RASIP1: variants seen among roughly 807,000 people sequenced by gnomAD.
RASIP1 encodes ras-interacting protein 1.
In RASIP1, 20 loss-of-function variants were observed where a neutral mutation model predicts 85.3. The observed-to-expected ratio is 0.23, with a 90% CI of 0.17 to 0.34. The LOEUF is 0.34. RASIP1 is among the 10% of genes least tolerant of loss of function. The pLI is 1.00. For missense variants in RASIP1, 1,170 were observed against 1,390.9 expected, an observed-to-expected ratio of 0.84 and a Z score of 2.53; for synonymous variants, 617 against 647.1, an observed-to-expected ratio of 0.95 and a Z score of 0.71.
chr19:48,723,957 G>A (rs1273766890), intron 10 of RASIP1, among the ~76,000 whole-genome samples: 2 of 152,196 alleles, frequency 1.3e-5, no homozygotes, highest in African/African-American at 4.8e-5. Context: ...ACAGGCGTGC[G>A]CCATCAAGCC....
At chr19:48,730,261 G>T (rs1329597284) in intron 4 of RASIP1, among the ~76,000 whole-genome samples, 1 of 152,000 alleles carries the variant, frequency 6.6e-6, no homozygotes, top group Non-Finnish European at 1.5e-5. Context: ...CGCCTCCCGG[G>T]TTCAAGCGAT....
In RASIP1 at chr19:48,723,822, T is replaced by TC. The variant is rs1491138800; in HGVS notation, c.2544+514dup. On this transcript the variant is annotated intron_variant, in intron 10 of 11. Coordinates refer to ENST00000222145, the MANE Select transcript of RASIP1 (RefSeq NM_017805.3). ...TGGAAACTTTTTTTTTTTTTTTTTT[T>TC]CTGGAGACAGGGTCTCGCTCTGTCG... 2.6e-3 allele frequency among the ~76,000 whole-genome samples: 384 copies of TC among 149,296 alleles called. 1 individual carries two copies. The highest frequency in any genetic ancestry group is 2.5e-3 in the Non-Finnish European group (166 of 67,546).
Position 48,738,697 on chromosome 19 carries a change from A to C in RASIP1, c.823+263T>G. 3 of 320,910 alleles carry C rather than the reference A, an allele frequency of 9.3e-6. No individual in the cohort carries two copies. Among genetic ancestry groups the C allele is most frequent in the Non-Finnish European group, 1.6e-5 (3 of 186,064 alleles). The allele number at this position is 320,910 out of a possible 1,614,324, so 19.9% of individuals were successfully genotyped here. ...CCAGCAACCAGCCCCCGTCCCGCCT[A>C]AGCCCCAAGCTTGGCCCCTGTAAAA... On this transcript the variant is annotated intron_variant, in intron 3 of 11. Coordinates refer to ENST00000222145, the MANE Select transcript of RASIP1 (RefSeq NM_017805.3). This position sits in a 1 kb window ranked among gnomAD's most constrained non-coding sequence, Gnocchi z 4.0.
rs1304709567 is a variant in RASIP1, at chr19:48,735,190, G to C, written c.1179+6C>G. 1.2e-6 allele frequency: 2 copies of C among 1,602,834 alleles called. No individual in the cohort carries two copies. The highest frequency in any genetic ancestry group is 4.5e-5 in the East Asian group (2 of 44,688). On this transcript the variant is annotated splice_donor_region_variant and intron_variant, in intron 4 of 11. Coordinates refer to ENST00000222145, the MANE Select transcript of RASIP1 (RefSeq NM_017805.3). ...TCTGGGCGTGCGGGGCTGGGGCGGC[G>C]GTTACCTGGGCGTCCTGGTAGCCCT...
At chr19:48,730,357 G>T (rs2033432950) in intron 4 of RASIP1, among the ~76,000 whole-genome samples, 3 of 151,480 alleles carry the variant, frequency 2.0e-5, no homozygotes, top group Admixed American at 2.0e-4. Flanking sequence ...GTAGGGACAG[G>T]GTCACCATGT....
intron 5 of RASIP1, among the ~76,000 whole-genome samples, chr19:48,728,608 C>CA (rs539054450): frequency 1.5e-3 from 231 of 152,146 alleles, no homozygotes; most frequent in African/African-American, 5.2e-3. Flanking sequence ...ACTAAAAATA[C>CA]AAAAAATTAG....
chr19:48,728,881 C>A, intron 5 of RASIP1, 56 bp downstream of exon 5: 1 of 1,389,264 alleles, frequency 7.2e-7, no homozygotes, highest in Non-Finnish European at 9.3e-7. Context: ...GGAAGGGAGG[C>A]TGGAGAAGGG....
Position 48,726,731 on chromosome 19 carries a change from C to T in RASIP1, c.2127+54G>A, listed in dbSNP as rs140346114. The T allele has an allele frequency of 2.8e-3, 3,837 of 1,358,270 alleles. 28 individuals are homozygous for T. The highest frequency in any genetic ancestry group is 0.024 in the Admixed American group (1,233 of 51,424). 84.1% of individuals were successfully genotyped at this position (1,358,270 alleles called of 1,614,324 possible). A position where few individuals can be genotyped will look rare whatever the true frequency, so the allele number is the denominator to read the frequency against. The stretch of plus-strand genomic sequence containing the variant: ...TTACCACAAACAGGAAGTGATATTA[C>T]GTGAAACAGGAAGTGATGCTATGTC... On this transcript the variant is annotated intron_variant, in intron 8 of 11. Coordinates refer to ENST00000222145, the MANE Select transcript of RASIP1 (RefSeq NM_017805.3).
At chr19:48,731,398 T>A (rs2033455385) in intron 4 of RASIP1, among the ~76,000 whole-genome samples, 1 of 152,068 alleles carries the variant, frequency 6.6e-6, no homozygotes, top group South Asian at 2.1e-4. Flanking sequence ...CCCCCTTCCA[T>A]CAATGGACGT....
intron 3 of RASIP1, among the ~76,000 whole-genome samples, chr19:48,736,335 G>T (rs1425674719): frequency 6.6e-6 from 1 of 151,780 alleles, no homozygotes; most frequent in Non-Finnish European, 1.5e-5. Flanking sequence ...CCCGGGAGGC[G>T]GAGCTTGCAG....
intron 10 of RASIP1, among the ~76,000 whole-genome samples, chr19:48,723,822 T>TTC (rs1568475213): frequency 2.7e-5 from 4 of 149,194 alleles, no homozygotes; most frequent in Non-Finnish European, 1.5e-5. Flanking sequence ...TTTTTTTTTT[T>TTC]CTGGAGACAG....
chr19:48,735,636 T>C, intron 3 of RASIP1, 85 bp from the exon 4 acceptor site: 1 of 1,323,686 alleles, frequency 7.6e-7, no homozygotes, highest in South Asian at 1.5e-5. Flanking sequence ...AAAGAACTGG[T>C]TGCAGAGAGG....
chr19:48,724,223 TG>T lies in RASIP1; in HGVS notation c.2544+113del. The T allele has an allele frequency of 1.8e-6, 2 of 1,123,540 alleles. No homozygotes were observed. The highest frequency in any genetic ancestry group is 2.5e-6 in the Non-Finnish European group (2 of 793,014). The allele number at this position is 1,123,540 out of a possible 1,614,324, so 69.6% of individuals were successfully genotyped here. ...TTACCCACAGTGTCTGAGCTGGGGC[TG>T]GGGATGGCATGGGGTTCAAGGGGAG... On this transcript the variant is annotated intron_variant, in intron 10 of 11. Transcript: ENST00000222145. The surrounding 1 kb of genome is among the most constrained non-coding windows in gnomAD (Gnocchi z 4.6).
chr19:48,725,093 C>G, intron 8 of RASIP1, 133 bp from the exon 9 acceptor site: 1 of 1,073,632 alleles, frequency 9.3e-7, no homozygotes, highest in Non-Finnish European at 1.3e-6. Context: ...ACAGTCAACA[C>G]CCAAAGGGTC....
In RASIP1 at chr19:48,739,469, C is replaced by A; in HGVS notation, c.314G>T (p.Gly105Val). 1 of 1,486,456 alleles carries A rather than the reference C, an allele frequency of 6.7e-7. No homozygotes were observed. Among genetic ancestry groups the A allele is most frequent in the Middle Eastern group, 2.3e-4 (1 of 4,376 alleles). 92.1% of individuals were successfully genotyped at this position (1,486,456 alleles called of 1,614,324 possible). Reference sequence around the variant, plus strand: ...CCCCGGGGTCCCAGGGCCTCCTGCGCCGCTGGACCCCGTGGTCCCGGTCCC... The same window carrying A: ...CCCCGGGGTCCCAGGGCCTCCTGCGACGCTGGACCCCGTGGTCCCGGTCCC... ...GSGTGTTGSS[G>V]AGGPGTPGGA... Residue 105 changes from glycine to valine, a missense_variant, in exon 3 of 12, where the codon GGC (glycine) becomes GTC (valine). Physicochemically the swap from Gly to Val is moderately radical, Grantham distance 109. Coordinates refer to ENST00000222145, the MANE Select transcript of RASIP1 (RefSeq NM_017805.3). The surrounding 1 kb of genome is among the most constrained non-coding windows in gnomAD (Gnocchi z 9.2).
intron 4 of RASIP1, among the ~76,000 whole-genome samples, chr19:48,733,574 G>A (rs57026981): frequency 3.3e-5 from 5 of 152,188 alleles, no homozygotes. Context: ...GGGAGGCCAA[G>A]GCAGGTGGAT....
In RASIP1 at chr19:48,738,682, GC is replaced by G. The variant is rs1431899873; in HGVS notation, c.823+277del. On this transcript the variant is annotated intron_variant, in intron 3 of 11. Transcript: ENST00000222145. This position sits in a 1 kb window ranked among gnomAD's most constrained non-coding sequence, Gnocchi z 4.0. ...CACTCCAAGCCACCACCAGCAACCAGCCCCCGTCCCGCCTAAGCCCCAAGCT... is the reference window on the plus strand; with the variant it reads ...CACTCCAAGCCACCACCAGCAACCAGCCCCGTCCCGCCTAAGCCCCAAGCT... 2 of 291,352 alleles carry G rather than the reference GC, an allele frequency of 6.9e-6. No homozygotes were observed. Among genetic ancestry groups the G allele is most frequent in the East Asian group, 6.5e-5 (1 of 15,302 alleles). The allele number at this position is 291,352 out of a possible 1,614,324, so 18.0% of individuals were successfully genotyped here. A position where few individuals can be genotyped will look rare whatever the true frequency, so the allele number is the denominator to read the frequency against.
chr19:48,727,022 CCTT>C lies in RASIP1; in HGVS notation c.2005_2007del (p.Lys669del). 1 of 1,614,206 alleles carries C rather than the reference CCTT, an allele frequency of 6.2e-7. No homozygotes were observed. The highest frequency in any genetic ancestry group is 8.5e-7 in the Non-Finnish European group (1 of 1,180,048). On this transcript the variant is annotated inframe_deletion, in exon 7 of 12. Coordinates refer to ENST00000222145, the MANE Select transcript of RASIP1 (RefSeq NM_017805.3). ...CAGAGCTCACCCTCTTGGTCAGCCT[CCTT>C]CTCCATTTCCAGCACCTTCTCCTGC...
intron 4 of RASIP1, among the ~76,000 whole-genome samples, chr19:48,730,683 A>G (rs959336541): frequency 6.6e-6 from 1 of 152,058 alleles, no homozygotes; most frequent in Non-Finnish European, 1.5e-5. Context: ...TCCCCTTCCA[A>G]TAATAGTTTT....
Sources: allele counts gnomAD v4.1 joint callset (sites outside exome capture counted in the v4.1 genomes callset), GRCh38; gene constraint gnomAD v4.1.1; non-coding constraint Gnocchi (gnomAD v3.1); transcripts MANE v1.5; gene names NCBI Gene and HGNC (gene_info 2026-07-23, HGNC 2026-07-21).